Variants in CCDC178 observed in about 807,000 individuals in gnomAD.
The protein encoded by CCDC178 is coiled-coil domain containing 178, also known as coiled-coil domain-containing protein 178.
In CCDC178, 126 loss-of-function variants were observed where a neutral mutation model predicts 117.4. That is an observed-to-expected ratio of 1.07 (90% CI 0.93 to 1.24). CCDC178 has a LOEUF of 1.24. CCDC178 is among the 50% of genes most tolerant of loss of function. The probability of loss-of-function intolerance (pLI) is 0.00; values close to 1 mark genes in which losing one functional copy is unlikely to be tolerated. For missense variants in CCDC178, 1,030 were observed against 986.9 expected, an observed-to-expected ratio of 1.04 and a Z score of -0.59; for synonymous variants, 283 against 313.4, an observed-to-expected ratio of 0.90 and a Z score of 1.02.
rs756094892 is a variant in CCDC178, at chr18:33,389,619, C to T, written c.129G>A (p.Met43Ile). Residue 43 changes from methionine to isoleucine, a missense_variant, in exon 5 of 23, where the codon ATG (methionine) becomes ATA (isoleucine). Met to Ile is a conservative substitution (Grantham distance 10). Transcript: ENST00000383096. ...AWSRTNEGNA[M>I]SQSLVLYGAS... ...CTCCATATAGAACCAAACTTTGAGA[C>T]ATGGCATTGCCTTTTAAAAAGAAAA... 1.2e-5 allele frequency: 18 copies of T among 1,487,232 alleles called. No individual in the cohort carries two copies. The highest frequency in any genetic ancestry group is 1.6e-5 in the Non-Finnish European group (18 of 1,118,708). The allele number at this position is 1,487,232 out of a possible 1,614,324, so 92.1% of individuals were successfully genotyped here. A position where few individuals can be genotyped will look rare whatever the true frequency, so the allele number is the denominator to read the frequency against.
chr18:33,429,639 C>T (rs748212872), intron 2 of CCDC178, among the ~76,000 whole-genome samples: 1 of 152,010 alleles, frequency 6.6e-6, no homozygotes, highest in Non-Finnish European at 1.5e-5. Flanking sequence ...GAAAGGAAAG[C>T]ATGAAATAAA....
intron 20 of CCDC178, among the ~76,000 whole-genome samples, chr18:33,109,405 CAAA>C (rs1262361558): frequency 6.6e-6 from 1 of 151,546 alleles, no homozygotes; most frequent in Admixed American, 6.6e-5. Context: ...AAAAGAGATG[CAAA>C]ACATTTGCAT....
chr18:32,946,723 G>GGT, intron 22 of CCDC178, among the ~76,000 whole-genome samples: 1 of 137,142 alleles, frequency 7.3e-6, no homozygotes, highest in East Asian at 2.1e-4. Context: ...GGTTTTTTGG[G>GGT]TTTTTTTTTT....
At chr18:33,065,518 G>GA (rs1485285718) in intron 21 of CCDC178, among the ~76,000 whole-genome samples, 1 of 152,072 alleles carries the variant, frequency 6.6e-6, no homozygotes, top group Non-Finnish European at 1.5e-5. Context: ...CCTGTTAAAT[G>GA]AAAAAATAGC....
In CCDC178 at chr18:33,320,058, A is replaced by T. The variant is rs191197400; in HGVS notation, c.1022+3433T>A. Among the ~76,000 whole-genome samples the T allele has an allele frequency of 7.5e-3, 1,141 of 152,112 alleles. 14 individuals carry two copies. The highest frequency in any genetic ancestry group is 6.8e-3 in the Middle Eastern group (2 of 294). ...AATTCAACAGCCCTTCATGCTAAAA[A>T]CTCTCAATAAATTAGGTATTGATGG... On this transcript the variant is annotated intron_variant, in intron 11 of 22. Coordinates refer to ENST00000383096, the MANE Select transcript of CCDC178 (RefSeq NM_001105528.4).
intron 21 of CCDC178, among the ~76,000 whole-genome samples, chr18:33,018,389 A>G (rs2056041253): frequency 6.6e-6 from 1 of 152,112 alleles, no homozygotes; most frequent in African/African-American, 2.4e-5. Flanking sequence ...TATAGTTACT[A>G]TATAACTCAG....
chr18:33,018,354 T>C (rs1008955908), intron 21 of CCDC178, among the ~76,000 whole-genome samples: 1 of 152,070 alleles, frequency 6.6e-6, no homozygotes, highest in Non-Finnish European at 1.5e-5. Flanking sequence ...GAAAACATTC[T>C]GGCAGCTCCT....
chr18:33,306,560 T>C (rs1361634841), intron 11 of CCDC178, among the ~76,000 whole-genome samples: 5 of 139,318 alleles, frequency 3.6e-5, no homozygotes, highest in Non-Finnish European at 6.3e-5. Context: ...TATATATATA[T>C]GGTTATATAT....
chr18:32,994,309 T>C (rs2055456763), intron 21 of CCDC178, among the ~76,000 whole-genome samples: 2 of 152,190 alleles, frequency 1.3e-5, no homozygotes, highest in Admixed American at 1.3e-4. Context: ...TTTCACAAGA[T>C]GTAAAGTTGG....
chr18:32,991,671 C>G (rs950995246), intron 21 of CCDC178, among the ~76,000 whole-genome samples: 7 of 152,180 alleles, frequency 4.6e-5, no homozygotes, highest in African/African-American at 1.4e-4. Context: ...TGTCTCCATG[C>G]TGTCTCGGGC....
At chr18:33,207,291 G>T (rs1235293373) in intron 20 of CCDC178, among the ~76,000 whole-genome samples, 1 of 151,806 alleles carries the variant, frequency 6.6e-6, no homozygotes, top group African/African-American at 2.4e-5. Flanking sequence ...TAGAATTATA[G>T]ACCAATAGAT....
intron 21 of CCDC178, among the ~76,000 whole-genome samples, chr18:33,032,961 A>G (rs2056373742): frequency 6.6e-6 from 1 of 152,044 alleles, no homozygotes; most frequent in African/African-American, 2.4e-5. Context: ...TGACCTTCCT[A>G]TCATTTATTT....
At chr18:32,961,758 G>T (rs2054708069) in intron 22 of CCDC178, among the ~76,000 whole-genome samples, 1 of 152,118 alleles carries the variant, frequency 6.6e-6, no homozygotes, top group Non-Finnish European at 1.5e-5. Context: ...AGGCGGAGCT[G>T]TGTGTAATGC....
intron 20 of CCDC178, among the ~76,000 whole-genome samples, chr18:33,210,426 G>C (rs1022459574): frequency 1.3e-5 from 2 of 151,922 alleles, no homozygotes; most frequent in East Asian, 3.9e-4. Flanking sequence ...TTAGAGGCTG[G>C]TTATAGAGGA....
intron 9 of CCDC178, among the ~76,000 whole-genome samples, chr18:33,339,128 C>T (rs544381018): frequency 1.3e-5 from 2 of 151,920 alleles, no homozygotes; most frequent in East Asian, 3.9e-4. Context: ...CAGCTTTTAA[C>T]TGATAATTCT....
intron 2 of CCDC178, among the ~76,000 whole-genome samples, chr18:33,418,311 C>G (rs561249462): frequency 6.6e-6 from 1 of 152,220 alleles, no homozygotes; most frequent in South Asian, 2.1e-4. Flanking sequence ...AAACCTTCAA[C>G]AAACCTGGCA....
intron 2 of CCDC178, among the ~76,000 whole-genome samples, chr18:33,432,156 A>G: frequency 6.6e-6 from 1 of 152,136 alleles, no homozygotes; most frequent in Middle Eastern, 3.2e-3. Context: ...GGAAGAGATG[A>G]CACATGGCAG....
chr18:33,046,508 A>T (rs1185179186), intron 21 of CCDC178, among the ~76,000 whole-genome samples: 1 of 150,416 alleles, frequency 6.6e-6, no homozygotes, highest in Non-Finnish European at 1.5e-5. Flanking sequence ...CGTTTACAAG[A>T]CAAAGCTAAG....
chr18:33,057,147 C>G (rs924490306), intron 21 of CCDC178, among the ~76,000 whole-genome samples: 2 of 152,038 alleles, frequency 1.3e-5, no homozygotes, highest in African/African-American at 4.8e-5. Flanking sequence ...AATGACTGAC[C>G]TGGGGGACTA....
Sources: allele counts gnomAD v4.1 joint callset (sites outside exome capture counted in the v4.1 genomes callset), GRCh38; gene constraint gnomAD v4.1.1; transcripts MANE v1.5; gene names NCBI Gene and HGNC (gene_info 2026-07-23, HGNC 2026-07-21).